CNTNAP4: variants seen among roughly 807,000 people sequenced by gnomAD.
CNTNAP4 encodes the protein contactin-associated protein-like 4.
Under a neutral mutation model 148.4 loss-of-function variants are expected in CNTNAP4, and 98 were observed. The ratio of observed to expected loss-of-function variants is 0.66; its 90% CI spans 0.56 to 0.78. The LOEUF is 0.78. CNTNAP4 is among the 30% of genes least tolerant of loss of function. The probability of loss-of-function intolerance (pLI) is 0.00; values close to 1 mark genes in which losing one functional copy is unlikely to be tolerated. For missense variants in CNTNAP4, 1,935 were observed against 1,565.6 expected (o/e 1.24, Z -3.98); for synonymous variants, 730 against 565.1 (o/e 1.29, Z -4.14).
chr16:76,327,171 A>G (rs773682497), intron 2 of CNTNAP4, among the ~76,000 whole-genome samples: 56 of 152,152 alleles, frequency 3.7e-4, no homozygotes, highest in Non-Finnish European at 4.1e-4. Context: ...TGAGCATAGT[A>G]TCCGTAGGTA....
At chr16:76,320,693 T>G (rs563503859) in intron 2 of CNTNAP4, among the ~76,000 whole-genome samples, 6 of 152,192 alleles carry the variant, frequency 3.9e-5, no homozygotes, top group Non-Finnish European at 8.8e-5. Context: ...AAACAGGTTC[T>G]AGTGTCCCAT....
At chr16:76,554,038 G>C in intron 23 of CNTNAP4, 131 bp downstream of exon 23, 2 of 562,366 alleles carry the variant, frequency 3.6e-6, no homozygotes, top group Non-Finnish European at 6.3e-6. Context: ...TGAGGTCATT[G>C]GGGTGATTTA....
intron 3 of CNTNAP4, among the ~76,000 whole-genome samples, chr16:76,419,007 A>G (rs2079085124): frequency 6.6e-6 from 1 of 151,944 alleles, no homozygotes; most frequent in Non-Finnish European, 1.5e-5. Flanking sequence ...GTTATCCAGT[A>G]TTATTGCACT....
intron 3 of CNTNAP4, among the ~76,000 whole-genome samples, chr16:76,363,327 T>A (rs1277220636): frequency 6.6e-6 from 1 of 151,986 alleles, no homozygotes; most frequent in Non-Finnish European, 1.5e-5. Context: ...CATACCCAGC[T>A]AATTTTTTAT....
intron 3 of CNTNAP4, among the ~76,000 whole-genome samples, chr16:76,391,983 A>G (rs961606424): frequency 7.0e-6 from 1 of 141,972 alleles, no homozygotes; most frequent in Admixed American, 7.1e-5. Context: ...TTAGCATTAG[A>G]TAAGTATCCT....
rs1286194859 is a variant in CNTNAP4, at chr16:76,354,229, T to C, written c.197-1089T>C. On this transcript the variant is annotated intron_variant, in intron 2 of 23. Coordinates refer to ENST00000611870, the MANE Select transcript of CNTNAP4 (RefSeq NM_033401.5). ...TTACAATGATTATATGTTACTTACATAATCAGCAATGTTAAATAATTCTTA... is the reference window on the plus strand; with the variant it reads ...TTACAATGATTATATGTTACTTACACAATCAGCAATGTTAAATAATTCTTA... 2.0e-5 allele frequency among the ~76,000 whole-genome samples: 3 copies of C among 152,222 alleles called. No homozygotes were observed. The East Asian group carries it at 5.8e-4, about 29-fold the overall frequency.
intron 21 of CNTNAP4, among the ~76,000 whole-genome samples, chr16:76,542,783 T>TC (rs1341926093): frequency 6.6e-6 from 1 of 151,498 alleles, no homozygotes; most frequent in Admixed American, 6.6e-5. Context: ...AGAGTCCTCG[T>TC]CCCCCAAACT....
intron 3 of CNTNAP4, among the ~76,000 whole-genome samples, chr16:76,424,263 C>T (rs1394500257): frequency 6.6e-6 from 1 of 152,112 alleles, no homozygotes; most frequent in East Asian, 1.9e-4. Flanking sequence ...ATTGAACTCA[C>T]ATTAATTTTG....
intron 14 of CNTNAP4, among the ~76,000 whole-genome samples, chr16:76,497,785 A>G (rs2082455138): frequency 6.6e-6 from 1 of 152,178 alleles, no homozygotes; most frequent in African/African-American, 2.4e-5. Flanking sequence ...TGGCCCGTGT[A>G]TACCTGAGTA....
At chr16:76,316,079 A>T (rs1449964037) in intron 1 of CNTNAP4, 1 of 386,246 alleles carries the variant, frequency 2.6e-6, no homozygotes, top group Non-Finnish European at 4.5e-6. Flanking sequence ...ATTTCTTTAC[A>T]GTGTCTTTTG....
chr16:76,408,494 A>G (rs569329476), intron 3 of CNTNAP4, among the ~76,000 whole-genome samples: 7 of 152,084 alleles, frequency 4.6e-5, no homozygotes, highest in African/African-American at 1.7e-4. Flanking sequence ...CCGAGGTCCC[A>G]AGCATCAACC....
At chr16:76,482,556 G>C (rs2081875283) in intron 12 of CNTNAP4, among the ~76,000 whole-genome samples, 2 of 151,976 alleles carry the variant, frequency 1.3e-5, no homozygotes, top group South Asian at 2.1e-4. Flanking sequence ...AAAAACTGCA[G>C]GTGGTGGCAA....
chr16:76,357,462 T>A (rs1267477673), intron 3 of CNTNAP4, among the ~76,000 whole-genome samples: 1 of 152,222 alleles, frequency 6.6e-6, no homozygotes, highest in Non-Finnish European at 1.5e-5. Context: ...ATGAATGATA[T>A]CCTTACTAGT....
intron 19 of CNTNAP4, 124 bp downstream of exon 19, chr16:76,538,464 TG>T: frequency 2.9e-6 from 2 of 691,886 alleles, no homozygotes; most frequent in Non-Finnish European, 4.9e-6. Context: ...GCCTGTTTTT[TG>T]TAGTCATATT....
intron 1 of CNTNAP4, among the ~76,000 whole-genome samples, chr16:76,307,512 A>ATG (rs1960609258): frequency 4.3e-5 from 2 of 46,086 alleles, no homozygotes; most frequent in African/African-American, 7.7e-5. Flanking sequence ...GCATATATAT[A>ATG]TATATATATA....
chr16:76,468,430 C>T (rs1198758702), intron 10 of CNTNAP4, among the ~76,000 whole-genome samples: 1 of 152,016 alleles, frequency 6.6e-6, no homozygotes, highest in African/African-American at 2.4e-5. Context: ...GCCAAGATCA[C>T]GCCATTGCAC....
chr16:76,438,909 TTTGTC>T, intron 4 of CNTNAP4, among the ~76,000 whole-genome samples: 1 of 152,222 alleles, frequency 6.6e-6, no homozygotes, highest in Middle Eastern at 3.2e-3. Flanking sequence ...AACTTGTACA[TTTGTC>T]TGTACATGTG....
intron 15 of CNTNAP4, among the ~76,000 whole-genome samples, chr16:76,517,100 C>G (rs1465241591): frequency 6.6e-6 from 1 of 151,972 alleles, no homozygotes; most frequent in Non-Finnish European, 1.5e-5. Context: ...TAAAAGTAAG[C>G]CAGTCTCAAA....
chr16:76,336,035 A>T (rs903312990), intron 2 of CNTNAP4, among the ~76,000 whole-genome samples: 5 of 152,122 alleles, frequency 3.3e-5, no homozygotes, highest in Non-Finnish European at 4.4e-5. Flanking sequence ...GTTGATGGAA[A>T]GGTAGACAAA....
Sources: allele counts gnomAD v4.1 joint callset (sites outside exome capture counted in the v4.1 genomes callset), GRCh38; gene constraint gnomAD v4.1.1; transcripts MANE v1.5; gene names NCBI Gene and HGNC (gene_info 2026-07-23, HGNC 2026-07-21).